The following OSBPL10 variants were observed in gnomAD, a reference collection of about 807,000 sequenced individuals.
OSBPL10 encodes the protein oxysterol-binding protein-related protein 10.
Under a neutral mutation model 81.7 loss-of-function variants are expected in OSBPL10, and 49 were observed. That is an observed-to-expected ratio of 0.60 (90% confidence interval 0.48 to 0.76). OSBPL10 has a LOEUF of 0.76. Ranked by LOEUF, OSBPL10 falls within the 30% of genes least tolerant of loss-of-function variation. The pLI is 0.00. For synonymous variants in OSBPL10, 419 were observed against 383.6 expected (o/e 1.09, Z -1.08); for missense variants, 923 against 987.8 (o/e 0.93, Z 0.88).
At chr3:32,042,914 G>A (rs1290673659) in intron 2 of OSBPL10, among the ~76,000 whole-genome samples, 1 of 152,078 alleles carries the variant, frequency 6.6e-6, no homozygotes, top group Non-Finnish European at 1.5e-5. Flanking sequence ...AGATCACAAG[G>A]CAAAGGGCAA....
chr3:32,013,703 C>G (rs1238875434), intron 2 of OSBPL10, among the ~76,000 whole-genome samples: 1 of 151,880 alleles, frequency 6.6e-6, no homozygotes, highest in Non-Finnish European at 1.5e-5. Context: ...GCTAGCAAGA[C>G]TAATAAAGAA....
intron 6 of OSBPL10, chr3:31,714,845 C>T (rs12631915): frequency 4.6e-5 from 7 of 153,186 alleles, no homozygotes; most frequent in African/African-American, 1.7e-4. Flanking sequence ...GCTCATCCTT[C>T]TGCTCCAGAC....
At chr3:31,794,013 G>A (rs540091822) in intron 4 of OSBPL10, among the ~76,000 whole-genome samples, 4 of 152,210 alleles carry the variant, frequency 2.6e-5, no homozygotes, top group African/African-American at 4.8e-5. Flanking sequence ...TGGTTTGAGA[G>A]GCCCCAGGGC....
intron 7 of OSBPL10, 27 bp from the exon 8 acceptor site, chr3:31,684,141 A>G (rs754825678): frequency 6.2e-7 from 1 of 1,607,126 alleles, no homozygotes; most frequent in Non-Finnish European, 8.5e-7. Context: ...ACAAAGTCAG[A>G]CAATCCCTGG....
intron 5 of OSBPL10, among the ~76,000 whole-genome samples, chr3:31,740,045 CTTTT>C (rs33919556): frequency 6.6e-5 from 9 of 135,856 alleles, no homozygotes; most frequent in Admixed American, 7.5e-5. Flanking sequence ...ATGAATAATA[CTTTT>C]TTTTTTTTTT....
intron 1 of OSBPL10, among the ~76,000 whole-genome samples, chr3:31,938,528 T>C (rs1697445468): frequency 6.6e-6 from 1 of 152,130 alleles, no homozygotes; most frequent in South Asian, 2.1e-4. Context: ...TTTGTTTGTT[T>C]AGATAGAGCC....
At chr3:32,047,446 A>G (rs1049931819) in intron 1 of OSBPL10, among the ~76,000 whole-genome samples, 2 of 152,154 alleles carry the variant, frequency 1.3e-5, no homozygotes, top group Non-Finnish European at 2.9e-5. Flanking sequence ...GATTTCCTGG[A>G]ACTGAGGGGT....
intron 1 of OSBPL10, among the ~76,000 whole-genome samples, chr3:31,959,214 T>C (rs80322181): frequency 1.3e-5 from 2 of 152,298 alleles, no homozygotes; most frequent in East Asian, 3.9e-4. Flanking sequence ...AAATTTTTAA[T>C]GCAGTCTAAT....
At chr3:31,880,002 C>T (rs780180080) in intron 1 of OSBPL10, among the ~76,000 whole-genome samples, 172 bp from the exon 2 acceptor site, 1 of 152,208 alleles carries the variant, frequency 6.6e-6, no homozygotes, top group Non-Finnish European at 1.5e-5. Flanking sequence ...AGGGAGAGAG[C>T]ACTGGATTCT....
intron 3 of OSBPL10, among the ~76,000 whole-genome samples, chr3:31,833,705 G>GCGCACA (rs1553631714): frequency 0.012 from 1,663 of 137,998 alleles, 13 homozygotes; most frequent in Middle Eastern, 0.036. Flanking sequence ...ACACGCACAC[G>GCGCACA]CACACACACA....
intron 1 of OSBPL10, among the ~76,000 whole-genome samples, chr3:32,048,671 T>C (rs1323771508): frequency 2.0e-5 from 3 of 152,036 alleles, no homozygotes; most frequent in Non-Finnish European, 4.4e-5. Flanking sequence ...AATCCCCCCA[T>C]CCAACTACCA....
intron 2 of OSBPL10, among the ~76,000 whole-genome samples, chr3:31,994,550 A>C (rs7639637): frequency 0.35 from 52,691 of 151,898 alleles, 12,793 homozygotes; most frequent in African/African-American, 0.68. Flanking sequence ...TGCCAGCCTA[A>C]CTGCATGCCT....
chr3:31,708,827 C>T, intron 6 of OSBPL10: 1 of 985,388 alleles, frequency 1.0e-6, no homozygotes, highest in African/African-American at 1.7e-5. Context: ...GGTATCTCAG[C>T]TGAAAGGGTG....
chr3:31,711,829 TTTAA>T (rs1223746478), intron 6 of OSBPL10, among the ~76,000 whole-genome samples: 15 of 152,176 alleles, frequency 9.9e-5, no homozygotes, highest in African/African-American at 3.4e-4. Flanking sequence ...GTTGGTACAA[TTTAA>T]ATGGATAAAT....
At chr3:31,773,231 GATTC>G (rs2125751620) in intron 4 of OSBPL10, among the ~76,000 whole-genome samples, 1 of 152,150 alleles carries the variant, frequency 6.6e-6, no homozygotes, top group East Asian at 1.9e-4. Flanking sequence ...ACTACATTTT[GATTC>G]ATTAACATAG....
chr3:31,873,915 G>A (rs1044932579), intron 3 of OSBPL10, among the ~76,000 whole-genome samples: 4 of 152,138 alleles, frequency 2.6e-5, no homozygotes, highest in Non-Finnish European at 4.4e-5. Flanking sequence ...TTATTCCCTA[G>A]TTGATCATGC....
Position 31,683,689 on chromosome 3 carries a change from T to C in OSBPL10, c.1671A>G (p.Val557=), listed in dbSNP as rs1559413934. 1 of 1,614,200 alleles carries C rather than the reference T, an allele frequency of 6.2e-7. No homozygotes were observed. The highest frequency in any genetic ancestry group is 1.3e-5 in the African/African-American group (1 of 75,068). ...EEKRLCVNTH[V]WTKSKFMGMS... Reference sequence around the variant, plus strand: ...TGCCCATGAACTTGCTTTTGGTCCATACATGAGTGTTGACGCACAGTCTCT... The same window carrying C: ...TGCCCATGAACTTGCTTTTGGTCCACACATGAGTGTTGACGCACAGTCTCT... The change falls in exon 8 of 12, where the codon GTA becomes GTG. Residue 557 remains valine, a synonymous_variant. Transcript: ENST00000396556.
intron 1 of OSBPL10, among the ~76,000 whole-genome samples, chr3:31,881,426 T>C (rs1411565955): frequency 6.6e-6 from 1 of 152,220 alleles, no homozygotes; most frequent in Non-Finnish European, 1.5e-5. Flanking sequence ...CAACATACCG[T>C]CTGTACTACC....
chr3:31,950,542 A>G (rs1352482475), intron 1 of OSBPL10, among the ~76,000 whole-genome samples: 1 of 152,164 alleles, frequency 6.6e-6, no homozygotes, highest in African/African-American at 2.4e-5. Flanking sequence ...TTAGAAAACA[A>G]CTTAACATCA....
Sources: gnomAD v4.1 joint callset for allele counts (sites outside exome capture counted in the v4.1 genomes callset) on GRCh38, gnomAD v4.1.1 for gene constraint, MANE v1.5 for transcripts, NCBI Gene and HGNC (gene_info 2026-07-23, HGNC 2026-07-21) for gene names.